ASCL3: variants seen among roughly 807,000 people sequenced by gnomAD.
The protein encoded by ASCL3 is achaete-scute homolog 3.
A neutral mutation model predicts 2.3 loss-of-function variants in ASCL3; 1 was observed. The observed-to-expected ratio is 0.44, with a 90% CI of 0.16 to 2.10. ASCL3 has a LOEUF of 2.10. Among genes scored for constraint, ASCL3 ranks in the 30% most tolerant of loss-of-function variants. ASCL3 has a pLI of 0.28. For missense variants in ASCL3, 243 were observed against 229.0 expected, an observed-to-expected ratio of 1.06 and a Z score of -0.40; for synonymous variants, 98 against 88.5, an observed-to-expected ratio of 1.11 and a Z score of -0.60.
rs1334433001 is a variant in ASCL3, at chr11:8,937,623, A to G, written c.539T>C (p.Ile180Thr). Residue 180 changes from isoleucine (I) to threonine (T), a missense_variant, in exon 2 of 2, where the codon ATT becomes ACT. Physicochemically the swap from Ile to Thr is moderately conservative, Grantham distance 89. Transcript: ENST00000531618. ...TSHHADPMFR[I>T]V is the part of the protein sequence containing the mutation. ...CTATTTGGAAACAGCAACTCAAACA[A>G]TTCTGAACATAGGGTCAGCATGGTG... 1.2e-6 allele frequency: 2 copies of G among 1,610,162 alleles called. No individual in the cohort carries two copies. Among genetic ancestry groups the G allele is most frequent in the Admixed American group, 3.4e-5 (2 of 59,536 alleles).
At chr11:8,939,870 C>G (rs2064697797) in intron 1 of ASCL3, among the ~76,000 whole-genome samples, 1 of 152,106 alleles carries the variant, frequency 6.6e-6, no homozygotes, top group Non-Finnish European at 1.5e-5. Flanking sequence ...GAGAAACTTC[C>G]CCTACACATT....
At chr11:8,940,638 G>T (rs1382895542) in intron 1 of ASCL3, among the ~76,000 whole-genome samples, 1 of 152,112 alleles carries the variant, frequency 6.6e-6, no homozygotes, top group South Asian at 2.1e-4. Context: ...ATTCTGCAGG[G>T]TGGTTGTGAG....
chr11:8,938,042 G>A lies in ASCL3; in HGVS notation c.120C>T (p.His40=). The A allele has an allele frequency of 6.2e-7, 1 of 1,614,088 alleles. No individual in the cohort carries two copies. The highest frequency in any genetic ancestry group is 8.5e-7 in the Non-Finnish European group (1 of 1,180,002). The change falls in exon 2 of 2, where the codon CAC becomes CAT. Residue 40 remains histidine, a synonymous_variant. Transcript: ENST00000531618. The part of the protein sequence containing the change: ...YLEPMVTFHV[H]PEAPVSSPYS... ...AAGGGGATGACACCGGGGCCTCTGGGTGCACGTGGAAAGTGACCATGGGCT... is the reference window on the plus strand; with the variant it reads ...AAGGGGATGACACCGGGGCCTCTGGATGCACGTGGAAAGTGACCATGGGCT...
intron 1 of ASCL3, among the ~76,000 whole-genome samples, chr11:8,942,238 A>G (rs1031282129): frequency 6.6e-6 from 1 of 152,172 alleles, no homozygotes; most frequent in African/African-American, 2.4e-5. Context: ...AGCATTTCCA[A>G]TAAGTTCACC....
At chr11:8,941,077 G>A (rs1275477200) in intron 1 of ASCL3, among the ~76,000 whole-genome samples, 2 of 152,012 alleles carry the variant, frequency 1.3e-5, no homozygotes, top group South Asian at 2.1e-4. Flanking sequence ...CTTATGTAGC[G>A]TTCCTTTCTA....
rs1477375437 is a variant in ASCL3, at chr11:8,937,789, A to C, written c.373T>G (p.Leu125Val). The stretch of plus-strand genomic sequence containing the variant: ...TCCACTTTGCTGAGTCGCTTCTCCA[A>C]ATACTCCTCTGGCAGATGATGGCGG... ...QLRHHLPEEYLEKRLSKVETL... is the reference protein window; with the variant it reads ...QLRHHLPEEYVEKRLSKVETL... Residue 125 changes from leucine (L) to valine (V), a missense_variant, in exon 2 of 2, where the codon TTG (leucine) becomes GTG (valine). Transcript: ENST00000531618. 6.2e-7 allele frequency: 1 copy of C among 1,614,032 alleles called. No homozygotes were observed. The highest frequency in any genetic ancestry group is 1.7e-5 in the Admixed American group (1 of 60,012).
intron 1 of ASCL3, among the ~76,000 whole-genome samples, chr11:8,939,156 G>A (rs939525662): frequency 2.6e-5 from 4 of 152,030 alleles, no homozygotes; most frequent in South Asian, 2.1e-4. Flanking sequence ...AAGCAATAGC[G>A]TCTAGTTAGA....
At chr11:8,939,199 G>A (rs893245537) in intron 1 of ASCL3, among the ~76,000 whole-genome samples, 4 of 152,020 alleles carry the variant, frequency 2.6e-5, no homozygotes, top group Admixed American at 1.3e-4. Flanking sequence ...TATTTATTGT[G>A]AGTTCTAGTA....
In ASCL3 at chr11:8,942,995, G is replaced by A. The variant is rs1249021119; in HGVS notation, c.-22C>T. On this transcript the variant is annotated 5_prime_UTR_variant, in exon 1 of 2. Coordinates refer to ENST00000531618, the MANE Select transcript of ASCL3 (RefSeq NM_020646.3). ...GAGAATAGTCTCTTACCTGAGTTTT[G>A]TCGTCAGGATGCTGTATTTTGGGCT... is the stretch of plus-strand genomic sequence containing the variant. Among the ~76,000 whole-genome samples, 1 of 152,112 alleles carries A rather than the reference G, an allele frequency of 6.6e-6. No homozygotes were observed. Among genetic ancestry groups the A allele is most frequent in the Non-Finnish European group, 1.5e-5 (1 of 68,022 alleles).
chr11:8,940,029 G>C (rs192583381), intron 1 of ASCL3, among the ~76,000 whole-genome samples: 2 of 152,068 alleles, frequency 1.3e-5, no homozygotes, highest in African/African-American at 4.8e-5. Flanking sequence ...CCAGGCTGGA[G>C]TGCAGTAATG....
rs771700039 is a variant in ASCL3 at position 8,937,996 on chromosome 11, G to C, written c.166C>G (p.Leu56Val). 2 of 1,613,986 alleles carry C rather than the reference G, an allele frequency of 1.2e-6. No homozygotes were observed. Among genetic ancestry groups the C allele is most frequent in the African/African-American group, 1.3e-5 (1 of 75,052 alleles). ...ATAAGAGAGTCGCTGGGAAAAGGCA[G>C]CCGTGGCAGCTCCTCAGAGTAAGGG... ...SSPYSEELPR[L>V]PFPSDSLILG... Residue 56 changes from leucine (L) to valine (V), a missense_variant, in exon 2 of 2, where the codon CTG becomes GTG. Transcript: ENST00000531618.
At chr11:8,938,831 G>GCAC (rs1049244144) in intron 1 of ASCL3, among the ~76,000 whole-genome samples, 2 of 148,800 alleles carry the variant, frequency 1.3e-5, no homozygotes, top group African/African-American at 5.0e-5. Flanking sequence ...TTGAGACAGG[G>GCAC]TGTGGCTCTG....
chr11:8,938,937 G>A (rs1022275027), intron 1 of ASCL3, among the ~76,000 whole-genome samples: 3 of 151,632 alleles, frequency 2.0e-5, no homozygotes, highest in Non-Finnish European at 2.9e-5. Flanking sequence ...CTGAGTAGCT[G>A]GGACCATACG....
At chr11:8,941,002 G>A (rs917064487) in intron 1 of ASCL3, among the ~76,000 whole-genome samples, 2 of 152,106 alleles carry the variant, frequency 1.3e-5, no homozygotes, top group African/African-American at 4.8e-5. Flanking sequence ...CAGGTACAGA[G>A]GAGTGACCGT....
In ASCL3 at chr11:8,938,184, A is replaced by G. The variant is rs1261243582; in HGVS notation, c.-12-11T>C. 6.4e-7 allele frequency: 1 copy of G among 1,551,922 alleles called. No individual in the cohort carries two copies. Among genetic ancestry groups the G allele is most frequent in the Admixed American group, 1.9e-5 (1 of 52,546 alleles). On this transcript the variant is annotated splice_polypyrimidine_tract_variant and intron_variant, in intron 1 of 1. Transcript: ENST00000531618. ...CATTTCCTCTTTAACCTGCAAACAT[A>G]ACCAAGTTTAACAATGTGGTCAGAT...
intron 1 of ASCL3, among the ~76,000 whole-genome samples, chr11:8,939,454 T>C (rs563358684): frequency 1.3e-5 from 2 of 152,204 alleles, no homozygotes; most frequent in South Asian, 4.2e-4. Context: ...TTGGCCAGGC[T>C]GGTCTCAAAC....
At chr11:8,941,340 C>T (rs12287001) in intron 1 of ASCL3, among the ~76,000 whole-genome samples, 8 of 85,796 alleles carry the variant, frequency 9.3e-5, no homozygotes, top group Non-Finnish European at 2.3e-4. Flanking sequence ...CACACACACA[C>T]ATACACACAC....
At chr11:8,941,867 A>C (rs1183210209) in intron 1 of ASCL3, among the ~76,000 whole-genome samples, 1 of 152,206 alleles carries the variant, frequency 6.6e-6, no homozygotes, top group Non-Finnish European at 1.5e-5. Context: ...TAAGAGAGAA[A>C]GAACGGGTAT....
chr11:8,942,959 G>A (rs564623158), intron 1 of ASCL3, among the ~76,000 whole-genome samples, 27 bp downstream of exon 1: 3 of 152,130 alleles, frequency 2.0e-5, no homozygotes, highest in East Asian at 3.9e-4. Flanking sequence ...TCTTCCCCAC[G>A]GGCCACTCTG....
Sources: allele counts gnomAD v4.1 joint callset (sites outside exome capture counted in the v4.1 genomes callset), GRCh38; gene constraint gnomAD v4.1.1; transcripts MANE v1.5; gene names NCBI Gene and HGNC (gene_info 2026-07-23, HGNC 2026-07-21).